MSI2: variants seen among roughly 807,000 people sequenced by gnomAD.
MSI2 encodes the protein musashi RNA binding protein 2.
A neutral mutation model predicts 45.6 loss-of-function variants in MSI2; 17 were observed. The observed-to-expected ratio is 0.37, with a 90% confidence interval of 0.26 to 0.56. The LOEUF (loss-of-function observed/expected upper bound fraction) is 0.56, where lower values mean the gene tolerates loss of function less well. Among genes scored for constraint, MSI2 ranks in the 20% least tolerant of loss-of-function variants. MSI2 has a pLI of 0.77. For synonymous variants in MSI2, 156 were observed against 158.2 expected, an observed-to-expected ratio of 0.99 and a Z score of 0.11; for missense variants, 293 against 444.2, an observed-to-expected ratio of 0.66 and a Z score of 3.06.
At chr17:57,508,795 C>G (rs2086290796) in intron 6 of MSI2, among the ~76,000 whole-genome samples, 1 of 152,162 alleles carries the variant, frequency 6.6e-6, no homozygotes, top group South Asian at 2.1e-4. Flanking sequence ...TGATGGCAGA[C>G]AGTGGGCTGT....
At chr17:57,477,452 C>G (rs181938361) in intron 6 of MSI2, among the ~76,000 whole-genome samples, 8 of 152,266 alleles carry the variant, frequency 5.3e-5, no homozygotes, top group South Asian at 2.1e-4. Flanking sequence ...TGGTCTTGAT[C>G]AAACAACAGA....
intron 6 of MSI2, among the ~76,000 whole-genome samples, chr17:57,506,384 A>G (rs775923663): frequency 6.6e-6 from 1 of 152,020 alleles, no homozygotes; most frequent in African/African-American, 2.4e-5. Context: ...GGGATCTGTA[A>G]TTTTCCGTGG....
At chr17:57,548,879 C>G (rs950759169) in intron 7 of MSI2, among the ~76,000 whole-genome samples, 1 of 151,400 alleles carries the variant, frequency 6.6e-6, no homozygotes, top group African/African-American at 2.4e-5. Flanking sequence ...CCCCTTACTT[C>G]TCACTGTTTG....
intron 5 of MSI2, among the ~76,000 whole-genome samples, chr17:57,273,518 C>CA (rs1335084581): frequency 2.7e-5 from 2 of 74,800 alleles, no homozygotes; most frequent in African/African-American, 1.1e-4. Flanking sequence ...AACAGACTGA[C>CA]ATAGTGGGGA....
At chr17:57,691,902 C>T in the MSI2 span, among the ~76,000 whole-genome samples, 6 of 152,174 alleles carry the variant, frequency 3.9e-5, no homozygotes, top group Non-Finnish European at 8.8e-5. Flanking sequence ...ATATCCCTGA[C>T]TCATTCCCTA....
At chr17:57,558,033 G>A (rs2087479133) in intron 7 of MSI2, among the ~76,000 whole-genome samples, 1 of 152,184 alleles carries the variant, frequency 6.6e-6, no homozygotes, top group East Asian at 1.9e-4. Context: ...GGAGTTAGGA[G>A]TGGCATCTCT....
intron 5 of MSI2, among the ~76,000 whole-genome samples, chr17:57,338,371 T>TG (rs139626030): frequency 1.1e-4 from 17 of 152,326 alleles, no homozygotes; most frequent in African/African-American, 1.4e-4. Flanking sequence ...ATTACAGGCA[T>TG]GAACCACTGC....
chr17:57,562,086 C>T (rs1004137576), intron 7 of MSI2, among the ~76,000 whole-genome samples: 4 of 152,158 alleles, frequency 2.6e-5, no homozygotes, highest in African/African-American at 9.7e-5. Context: ...ATATAAAGAG[C>T]CTGATATATA....
At chr17:57,558,861 G>C (rs1166753994) in intron 7 of MSI2, among the ~76,000 whole-genome samples, 2 of 152,158 alleles carry the variant, frequency 1.3e-5, no homozygotes, top group Non-Finnish European at 2.9e-5. Context: ...AGGAGTTCGA[G>C]ACCAGCCTGG....
intron 7 of MSI2, among the ~76,000 whole-genome samples, chr17:57,593,570 C>G (rs898403099): frequency 6.6e-6 from 1 of 152,274 alleles, no homozygotes; most frequent in South Asian, 2.1e-4. Flanking sequence ...AGGGCCCACC[C>G]TAAATCCAGG....
rs556562804 is a variant in MSI2 at position 57,262,380 on chromosome 17, G to A, written c.312+188G>A. 85 of 515,576 alleles carry A rather than the reference G, an allele frequency of 1.6e-4. No individual in the cohort carries two copies. The East Asian group carries it at 2.6e-3, about 16-fold the overall frequency. 31.9% of individuals were successfully genotyped at this position (515,576 alleles called of 1,614,324 possible). ...TCTCTAAGTTAGCCATCCCAAGGTG[G>A]CTTCTGAACATCCACCTGGGGGCAG... On this transcript the variant is annotated intron_variant, in intron 5 of 13. Coordinates refer to ENST00000284073, the MANE Select transcript of MSI2 (RefSeq NM_138962.4).
chr17:57,324,123 C>CA (rs1186732890), intron 5 of MSI2, among the ~76,000 whole-genome samples: 3 of 152,208 alleles, frequency 2.0e-5, no homozygotes, highest in African/African-American at 7.2e-5. Flanking sequence ...GCCTGGGTAA[C>CA]ATAGCAAGGC....
chr17:57,434,105 T>G (rs1038448249), intron 6 of MSI2, among the ~76,000 whole-genome samples: 3 of 152,202 alleles, frequency 2.0e-5, no homozygotes, highest in African/African-American at 7.2e-5. Context: ...TTTTAACGAT[T>G]TATTTTTTTC....
At chr17:57,426,238 A>C (rs562456349) in intron 6 of MSI2, among the ~76,000 whole-genome samples, 4 of 152,342 alleles carry the variant, frequency 2.6e-5, no homozygotes, top group South Asian at 4.1e-4. Context: ...TCCTAGCTGC[A>C]TACCGGTTTT....
chr17:57,603,565 G>A (rs1369178840), intron 8 of MSI2, among the ~76,000 whole-genome samples: 3 of 152,224 alleles, frequency 2.0e-5, no homozygotes, highest in Non-Finnish European at 2.9e-5. Flanking sequence ...ATGTAATTGG[G>A]TAGCCTTGAA....
chr17:57,563,477 C>T (rs2087638029), intron 7 of MSI2, among the ~76,000 whole-genome samples: 1 of 152,138 alleles, frequency 6.6e-6, no homozygotes, highest in African/African-American at 2.4e-5. Context: ...AGGCCACTGC[C>T]CAAGATCCCA....
chr17:57,441,016 G>A (rs540608742), intron 6 of MSI2, among the ~76,000 whole-genome samples: 3 of 152,312 alleles, frequency 2.0e-5, no homozygotes, highest in Non-Finnish European at 4.4e-5. Flanking sequence ...GCCCCCTGCC[G>A]CTCTCCCAGG....
intron 5 of MSI2, among the ~76,000 whole-genome samples, chr17:57,327,030 C>T (rs1913854316): frequency 6.6e-6 from 1 of 152,136 alleles, no homozygotes; most frequent in Non-Finnish European, 1.5e-5. Context: ...TACTGAGTGC[C>T]AAATGGAGCT....
At chr17:57,637,247 A>C (rs1032190227) in intron 10 of MSI2, among the ~76,000 whole-genome samples, 1 of 152,228 alleles carries the variant, frequency 6.6e-6, no homozygotes, top group East Asian at 1.9e-4. Flanking sequence ...CTGCTGCTTT[A>C]AAAGAAGACA....
Sources: gnomAD v4.1 joint callset for allele counts (sites outside exome capture counted in the v4.1 genomes callset) on GRCh38, gnomAD v4.1.1 for gene constraint, MANE v1.5 for transcripts, NCBI Gene and HGNC (gene_info 2026-07-23, HGNC 2026-07-21) for gene names.